The following SSR2 variants were observed in gnomAD, a reference collection of about 807,000 sequenced individuals.
SSR2 encodes the protein signal sequence receptor subunit 2, also known as translocon-associated protein subunit beta.
SSR2 carries 16 observed loss-of-function variants against 22.6 expected under a neutral mutation model. That is an observed-to-expected ratio of 0.71 (90% CI 0.48 to 1.08). The LOEUF is 1.08. SSR2 is among the 50% of genes least tolerant of loss of function. SSR2 has a pLI of 0.00. For missense variants in SSR2, 171 were observed against 221.6 expected (o/e 0.77, Z 1.45); for synonymous variants, 83 against 91.2 (o/e 0.91, Z 0.51).
intron 5 of SSR2, chr1:156,011,037 T>A (rs1182635951): frequency 1.3e-5 from 2 of 151,988 alleles, no homozygotes; most frequent in Non-Finnish European, 2.9e-5. Flanking sequence ...AGTGGCTCGA[T>A]CTTGGCTCAC....
intron 2 of SSR2, among the ~76,000 whole-genome samples, chr1:156,019,582 G>A (rs1572259405): frequency 6.6e-6 from 1 of 152,076 alleles, no homozygotes; most frequent in East Asian, 1.9e-4. Context: ...ACAGGGTTTT[G>A]CCATGTTGGC....
chr1:156,011,715 C>A (rs959723140), intron 5 of SSR2, 95 bp downstream of exon 5: 11 of 1,011,530 alleles, frequency 1.1e-5, no homozygotes, highest in Admixed American at 1.9e-5. Context: ...CAAGAACCAA[C>A]CAACAAAACA....
At chr1:156,016,108 A>G (rs72708239) in intron 3 of SSR2, among the ~76,000 whole-genome samples, 40,950 of 151,876 alleles carry the variant, frequency 0.27, 6,687 homozygotes, top group East Asian at 0.82. Context: ...CCGAGATTGC[A>G]CCATTGCACT....
chr1:156,020,819 C>A (rs893086578), intron 1 of SSR2, 69 bp downstream of exon 1: 4 of 456,216 alleles, frequency 8.8e-6, no homozygotes, highest in African/African-American at 2.0e-5. Context: ...TAACCCCCAG[C>A]CACGGGGTGA....
chr1:156,015,198 C>T (rs1683033019), intron 3 of SSR2, 129 bp from the exon 4 acceptor site: 1 of 703,328 alleles, frequency 1.4e-6, no homozygotes, highest in Admixed American at 2.4e-5. Context: ...CAATATTCTG[C>T]AGGAATGAAA....
intron 3 of SSR2, among the ~76,000 whole-genome samples, chr1:156,016,137 A>G (rs762284976): frequency 1.3e-5 from 2 of 152,112 alleles, no homozygotes; most frequent in Non-Finnish European, 2.9e-5. Context: ...GAGCGACAAG[A>G]GCGAAACTCC....
rs1239985384 is a variant in SSR2 at position 156,020,870 on chromosome 1, C to T, written c.-1+18G>A. 2.1e-6 allele frequency: 1 copy of T among 471,030 alleles called. No individual in the cohort carries two copies. 29.2% of individuals were successfully genotyped at this position (471,030 alleles called of 1,614,324 possible). On this transcript the variant is annotated intron_variant, in intron 1 of 5. Transcript: ENST00000295702. ...CTCTCGCCTCTCCCGTTCGGACGCC[C>T]TAAGCCTCCGGACTTACCGTTGGCA...
chr1:156,009,237 A>C lies in SSR2; in HGVS notation c.*303T>G. ...ATGCCCCTCCTAGACCCCTGAGAGAATTCACGTTGCCAGCAATAAACCAAC... is the reference window on the plus strand; with the variant it reads ...ATGCCCCTCCTAGACCCCTGAGAGACTTCACGTTGCCAGCAATAAACCAAC... On this transcript the variant is annotated 3_prime_UTR_variant, in exon 6 of 6. Coordinates refer to ENST00000295702, the MANE Select transcript of SSR2 (RefSeq NM_003145.4). The C allele has an allele frequency of 3.3e-6, 1 of 299,606 alleles. No individual in the cohort carries two copies. The highest frequency in any genetic ancestry group is 1.0e-4 in the East Asian group (1 of 9,770). 18.6% of individuals were successfully genotyped at this position (299,606 alleles called of 1,614,324 possible).
At chr1:156,014,386 C>G (rs889618900) in intron 4 of SSR2, 1 of 152,274 alleles carries the variant, frequency 6.6e-6, no homozygotes, top group African/African-American at 2.4e-5. Context: ...ACTGGGATTA[C>G]AGGCGTGAGC....
intron 3 of SSR2, among the ~76,000 whole-genome samples, chr1:156,017,713 T>C (rs1683077748): frequency 1.4e-5 from 2 of 143,098 alleles, no homozygotes; most frequent in Non-Finnish European, 3.1e-5. Context: ...TAAGTGTCTA[T>C]ATCCTCCCAG....
intron 3 of SSR2, among the ~76,000 whole-genome samples, chr1:156,017,951 T>C (rs1424382590): frequency 6.6e-6 from 1 of 151,476 alleles, no homozygotes; most frequent in Non-Finnish European, 1.5e-5. Flanking sequence ...GGTTTCACCA[T>C]GTTGGCCAGG....
chr1:156,020,925 C>A lies in SSR2; in HGVS notation c.-38G>T, dbSNP rs1407086345. On this transcript the variant is annotated 5_prime_UTR_variant, in exon 1 of 6. Coordinates refer to ENST00000295702, the MANE Select transcript of SSR2 (RefSeq NM_003145.4). ...AAACGCCTTTCCGGAGCCACAAAGACAGGAAGAGAGCGTCAGCATCCGAAA... is the reference window on the plus strand; with the variant it reads ...AAACGCCTTTCCGGAGCCACAAAGAAAGGAAGAGAGCGTCAGCATCCGAAA... 1 of 471,160 alleles carries A rather than the reference C, an allele frequency of 2.1e-6. No homozygotes were observed. Among genetic ancestry groups the A allele is most frequent in the East Asian group, 6.9e-5 (1 of 14,542 alleles). 29.2% of individuals were successfully genotyped at this position (471,160 alleles called of 1,614,324 possible).
At chr1:156,013,435 AAAAAGAAAAAAAG>A (rs912226670) in intron 4 of SSR2, 8 of 125,408 alleles carry the variant, frequency 6.4e-5, no homozygotes, top group African/African-American at 1.4e-4. Flanking sequence ...CAAAAAGAAA[AAAAAGAAAAAAAG>A]AAAAGAAAAA....
chr1:156,009,577 T>C lies in SSR2; in HGVS notation c.515A>G (p.Lys172Arg). The C allele has an allele frequency of 6.2e-7, 1 of 1,613,402 alleles. No individual in the cohort carries two copies. Among genetic ancestry groups the C allele is most frequent in the Non-Finnish European group, 8.5e-7 (1 of 1,179,720 alleles). ...GIPLLLWYSS[K>R]RKYDTPKTKK... is the part of the protein sequence containing the mutation. ...CGTTTTGGGAGTGTCATATTTCCTC[T>C]TGCTGGAGTACCACAATAGCAGGGG... The change falls in exon 6 of 6, where the codon AAG (lysine) becomes AGG (arginine). Residue 172 changes from lysine to arginine, a missense_variant. Transcript: ENST00000295702.
At chr1:156,018,194 T>C (rs892419804) in intron 3 of SSR2, 76 bp downstream of exon 3, 1 of 1,108,174 alleles carries the variant, frequency 9.0e-7, no homozygotes, top group African/African-American at 1.5e-5. Flanking sequence ...CCAGCCTATT[T>C]GAAGTACCCC....
At chr1:156,009,919 G>A (rs578031232) in intron 5 of SSR2, among the ~76,000 whole-genome samples, 4 of 152,232 alleles carry the variant, frequency 2.6e-5, no homozygotes, top group African/African-American at 7.2e-5. Context: ...GATTACAGGC[G>A]CATGCCACCA....
chr1:156,019,261 A>G (rs1683109952), intron 2 of SSR2: 1 of 454,006 alleles, frequency 2.2e-6, no homozygotes. Context: ...TTCTTCATGT[A>G]CATGCCTATG....
chr1:156,009,972 C>T (rs1452096441), intron 5 of SSR2, among the ~76,000 whole-genome samples: 1 of 151,860 alleles, frequency 6.6e-6, no homozygotes, highest in Non-Finnish European at 1.5e-5. Context: ...CTGGGTTTCA[C>T]CATGTTGGTC....
chr1:156,020,705 C>CG (rs544404657), intron 1 of SSR2, 183 bp downstream of exon 1: 9 of 192,422 alleles, frequency 4.7e-5, no homozygotes, highest in Middle Eastern at 1.6e-3. Flanking sequence ...GTCCCACGGG[C>CG]GGGGGGGCGG....
Sources: gnomAD v4.1 joint callset for allele counts (sites outside exome capture counted in the v4.1 genomes callset) on GRCh38, gnomAD v4.1.1 for gene constraint, MANE v1.5 for transcripts, NCBI Gene and HGNC (gene_info 2026-07-23, HGNC 2026-07-21) for gene names.